NPAS2: variants seen among roughly 807,000 people sequenced by gnomAD.
The protein encoded by NPAS2 is neuronal PAS domain protein 2.
Under a neutral mutation model 107.5 loss-of-function variants are expected in NPAS2, and 23 were observed. That is an observed-to-expected ratio of 0.21 (90% confidence interval 0.15 to 0.30). NPAS2 has a LOEUF of 0.30. Ranked by LOEUF, NPAS2 falls within the 10% of genes least tolerant of loss-of-function variation. The pLI, the probability that NPAS2 is intolerant of heterozygous loss-of-function variation, is 1.00. For missense variants in NPAS2, 756 were observed against 1,043.3 expected, an observed-to-expected ratio of 0.72 and a Z score of 3.79; for synonymous variants, 403 against 417.5, an observed-to-expected ratio of 0.97 and a Z score of 0.42.
At chr2:100,850,564 C>T (rs189021724) in intron 1 of NPAS2, among the ~76,000 whole-genome samples, 1 of 152,322 alleles carries the variant, frequency 6.6e-6, no homozygotes, top group African/African-American at 2.4e-5. Context: ...TATTCTCAGT[C>T]ACCAAAAGGT....
chr2:100,883,187 A>G (rs1410034289), intron 1 of NPAS2, among the ~76,000 whole-genome samples: 1 of 152,214 alleles, frequency 6.6e-6, no homozygotes, highest in Non-Finnish European at 1.5e-5. Context: ...TTAAATTCCA[A>G]ATAAAAGGAT....
At chr2:100,898,292 A>G (rs970474535) in intron 1 of NPAS2, among the ~76,000 whole-genome samples, 1 of 152,116 alleles carries the variant, frequency 6.6e-6, no homozygotes, top group Non-Finnish European at 1.5e-5. Context: ...GCCTCAGGCA[A>G]TCCTCATGCC....
chr2:100,852,954 C>T (rs1485957669), intron 1 of NPAS2, among the ~76,000 whole-genome samples: 1 of 152,134 alleles, frequency 6.6e-6, no homozygotes, highest in Non-Finnish European at 1.5e-5. Flanking sequence ...TCCCATAGCC[C>T]TTAAAACATC....
At chr2:100,988,341 A>C (rs1677893482) in intron 17 of NPAS2, 65 bp downstream of exon 17, 8 of 1,408,902 alleles carry the variant, frequency 5.7e-6, no homozygotes, top group Non-Finnish European at 8.0e-6. Flanking sequence ...GCAGTTTGGG[A>C]CATACTTGAT....
intron 1 of NPAS2, among the ~76,000 whole-genome samples, chr2:100,865,614 A>G (rs1025012451): frequency 2.0e-5 from 3 of 152,084 alleles, no homozygotes; most frequent in African/African-American, 4.8e-5. Context: ...AACACTCAGA[A>G]CCCTTGTTGA....
chr2:100,852,048 G>C (rs940622441), intron 1 of NPAS2, among the ~76,000 whole-genome samples: 9 of 152,122 alleles, frequency 5.9e-5, no homozygotes, highest in African/African-American at 1.7e-4. Context: ...CTCCCATTTT[G>C]AACAGGAAAA....
intron 16 of NPAS2, chr2:100,985,080 TA>T (rs964447843): frequency 7.9e-5 from 12 of 152,304 alleles, no homozygotes; most frequent in African/African-American, 2.9e-4. Context: ...AGGACACCTG[TA>T]GCAATGGCAA....
intron 1 of NPAS2, among the ~76,000 whole-genome samples, chr2:100,851,012 GA>G (rs1678143054): frequency 6.9e-6 from 1 of 145,670 alleles, no homozygotes; most frequent in South Asian, 2.2e-4. Flanking sequence ...CTACCACATG[GA>G]TGAATATTGA....
intron 1 of NPAS2, among the ~76,000 whole-genome samples, chr2:100,849,512 T>A (rs377196131): frequency 6.6e-6 from 1 of 152,144 alleles, no homozygotes; most frequent in African/African-American, 2.4e-5. Context: ...TCCAGGTAGA[T>A]CATTCCTGGG....
chr2:100,897,297 G>A (rs957744575), intron 1 of NPAS2, among the ~76,000 whole-genome samples: 1 of 152,228 alleles, frequency 6.6e-6, no homozygotes, highest in Non-Finnish European at 1.5e-5. Context: ...TGAAATGGGT[G>A]AAGATGCAAT....
chr2:100,868,312 T>G (rs2104559963), intron 1 of NPAS2, among the ~76,000 whole-genome samples: 1 of 152,364 alleles, frequency 6.6e-6, no homozygotes. Flanking sequence ...GAAGGGATTC[T>G]TTTCCTGTTG....
Position 100,974,942 on chromosome 2 carries a change from C to A in NPAS2, c.1280C>A (p.Thr427Asn). ...KSSHTAMSEP[T>N]STPTKLMAEA... ...TCGCACACAGCCATGTCAGAACCCA[C>A]CTGTGAGTGCGAGTCCATGGATGGG... Residue 427 changes from threonine (T) to asparagine (N), a missense_variant and splice_region_variant, in exon 13 of 21, where the codon ACC becomes AAC. Thr to Asn is a moderately conservative substitution (Grantham distance 65, BLOSUM62 0). Coordinates refer to ENST00000335681, the MANE Select transcript of NPAS2 (RefSeq NM_002518.4). 6.2e-7 allele frequency: 1 copy of A among 1,613,856 alleles called. No individual in the cohort carries two copies. Among genetic ancestry groups the A allele is most frequent in the Non-Finnish European group, 8.5e-7 (1 of 1,179,816 alleles).
At chr2:100,855,013 A>G (rs1327338580) in intron 1 of NPAS2, among the ~76,000 whole-genome samples, 3 of 152,244 alleles carry the variant, frequency 2.0e-5, no homozygotes, top group African/African-American at 7.2e-5. Context: ...TATATGTTGA[A>G]ATAACATTTT....
chr2:100,982,434 C>A, intron 16 of NPAS2, 57 bp downstream of exon 16: 1 of 1,585,118 alleles, frequency 6.3e-7, no homozygotes. Context: ...AGGGGTCCTG[C>A]CGCCATTTCC....
intron 3 of NPAS2, among the ~76,000 whole-genome samples, chr2:100,929,299 A>G (rs888685775): frequency 4.6e-5 from 7 of 152,158 alleles, no homozygotes; most frequent in African/African-American, 1.7e-4. Context: ...TGTGGAATCT[A>G]AGCCCAGCAG....
intron 1 of NPAS2, among the ~76,000 whole-genome samples, chr2:100,899,902 G>A (rs1449703672): frequency 3.3e-5 from 5 of 152,088 alleles, no homozygotes; most frequent in Non-Finnish European, 7.4e-5. Context: ...GGCGTGGTGG[G>A]GGTGGTGGTG....
chr2:100,839,766 T>A (rs962593995), intron 1 of NPAS2, among the ~76,000 whole-genome samples: 1 of 152,184 alleles, frequency 6.6e-6, no homozygotes, highest in African/African-American at 2.4e-5. Flanking sequence ...TTTTTTATGC[T>A]TTCATTTTAT....
chr2:100,852,334 T>A lies in NPAS2; in HGVS notation c.-23+31920T>A, dbSNP rs767217170. On this transcript the variant is annotated intron_variant, in intron 1 of 20. Coordinates refer to ENST00000335681, the MANE Select transcript of NPAS2 (RefSeq NM_002518.4). ...ATGGCGTGAACCCGGGAGGCAGAGCTTGCAGTGAGCTGAGATCGCACCACT... is the reference window on the plus strand; with the variant it reads ...ATGGCGTGAACCCGGGAGGCAGAGCATGCAGTGAGCTGAGATCGCACCACT... Among the ~76,000 whole-genome samples, 49 of 152,044 alleles carry A rather than the reference T, an allele frequency of 3.2e-4. 1 individual carries two copies. The highest frequency in any genetic ancestry group is 4.6e-4 in the Admixed American group (7 of 15,272).
At chr2:100,934,026 G>C (rs967043310) in intron 4 of NPAS2, 1 of 152,210 alleles carries the variant, frequency 6.6e-6, no homozygotes, top group Non-Finnish European at 1.5e-5. Context: ...GAAAATGCCA[G>C]AATGAAGATG....
Sources: allele counts gnomAD v4.1 joint callset (sites outside exome capture counted in the v4.1 genomes callset), GRCh38; gene constraint gnomAD v4.1.1; transcripts MANE v1.5; gene names NCBI Gene and HGNC (gene_info 2026-07-23, HGNC 2026-07-21).